HPS5: variants seen among roughly 807,000 people sequenced by gnomAD.
HPS5 encodes the protein BLOC-2 complex member HPS5.
A neutral mutation model predicts 128.0 loss-of-function variants in HPS5; 83 were observed. That is an observed-to-expected ratio of 0.65 (90% CI 0.54 to 0.78). The LOEUF is 0.78. Among genes scored for constraint, HPS5 ranks in the 30% least tolerant of loss-of-function variants. HPS5 has a pLI of 0.00. For synonymous variants in HPS5, 475 were observed against 470.2 expected (o/e 1.01, Z -0.13); for missense variants, 1,281 against 1,326.2 (o/e 0.97, Z 0.53).
At chr11:18,317,692 G>A (rs1043193499) in intron 2 of HPS5, 59 bp downstream of exon 2, 3 of 1,533,220 alleles carry the variant, frequency 2.0e-6, no homozygotes, top group African/African-American at 2.7e-5. Flanking sequence ...CTGGAGGGTA[G>A]GGGCACAGTA....
chr11:18,320,869 C>T (rs1406235683), intron 1 of HPS5, among the ~76,000 whole-genome samples: 1 of 152,222 alleles, frequency 6.6e-6, no homozygotes, highest in East Asian at 1.9e-4. Context: ...GGCCATGTTA[C>T]ACATTGATTC....
chr11:18,295,317 A>G, intron 13 of HPS5, 148 bp from the exon 14 acceptor site: 1 of 674,864 alleles, frequency 1.5e-6, no homozygotes, highest in Non-Finnish European at 2.6e-6. Context: ...CTCTGTTCAA[A>G]TAATAGTATT....
At position 18,295,998 on chromosome 11, in the gene HPS5, C is replaced by T. The variant is rs1861020570; in HGVS notation, c.1634+1G>A. ...TTAAATGACAAGACTAATTGGTTTA[C>T]CTTTCTTTGACAGCCTGAAGAGACA... is the stretch of plus-strand genomic sequence containing the variant. On this transcript the variant is annotated splice_donor_variant, in intron 13 of 22. Transcript: ENST00000349215. LOFTEE classifies it high-confidence loss of function. 6.2e-7 allele frequency: 1 copy of T among 1,613,230 alleles called. No homozygotes were observed. Among genetic ancestry groups the T allele is most frequent in the Admixed American group, 1.7e-5 (1 of 60,026 alleles).
In HPS5 at chr11:18,288,865, C is replaced by T. The variant is rs116564645; in HGVS notation, c.2441-852G>A. Among the ~76,000 whole-genome samples, 392 of 150,758 alleles carry T rather than the reference C, an allele frequency of 2.6e-3. 2 individuals are homozygous for T. Among genetic ancestry groups the T allele is most frequent in the African/African-American group, 9.3e-3 (380 of 40,940 alleles). ...CTTGCTACGTTGCCTAGCTGCAATA[C>T]CTGGGTGTGTGCATGTGTGTGTGTG... On this transcript the variant is annotated intron_variant, in intron 16 of 22. Transcript: ENST00000349215.
chr11:18,319,255 C>CCACACACACACA (rs10531816), intron 1 of HPS5, among the ~76,000 whole-genome samples: 249 of 139,206 alleles, frequency 1.8e-3, no homozygotes, highest in African/African-American at 5.9e-3. Context: ...AAGACAAATA[C>CCACACACACACA]CACACACACA....
chr11:18,309,801 G>A (rs1420635417), intron 5 of HPS5, among the ~76,000 whole-genome samples: 1 of 151,662 alleles, frequency 6.6e-6, no homozygotes, highest in Non-Finnish European at 1.5e-5. Context: ...AGGAGTCCGA[G>A]ACCAGCCTGG....
Position 18,291,862 on chromosome 11 carries a change from G to A in HPS5, c.2020C>T (p.Leu674=), listed in dbSNP as rs1369173989. ...CCCTTTTTTGATTCATTAACTAATA[G>A]CACATCCTGGTTCAATTTCATGGAT... The part of the protein sequence containing the change: ...NSSMKLNQDV[L]LVNESKKGIL... Residue 674 remains leucine, a synonymous_variant, in exon 16 of 23, where the codon CTA becomes TTA. Transcript: ENST00000349215. 6.2e-7 allele frequency: 1 copy of A among 1,608,042 alleles called. No homozygotes were observed. The highest frequency in any genetic ancestry group is 8.5e-7 in the Non-Finnish European group (1 of 1,176,920).
chr11:18,311,786 C>T, intron 3 of HPS5, 128 bp downstream of exon 3: 2 of 793,408 alleles, frequency 2.5e-6, no homozygotes, highest in Non-Finnish European at 4.4e-6. Context: ...GCTGGGATTA[C>T]AGGCGTGAGA....
Position 18,278,817 on chromosome 11 carries a change from G to C in HPS5, c.*1065C>G, listed in dbSNP as rs1449295952. ...ATATAACATGCTATGTAAATGTACA[G>C]GAGCCTGACAAATGACAATCTACTT... On this transcript the variant is annotated 3_prime_UTR_variant, in exon 23 of 23. Transcript: ENST00000349215. 6.6e-6 allele frequency: 1 copy of C among 152,528 alleles called. No individual in the cohort carries two copies. The highest frequency in any genetic ancestry group is 2.4e-5 in the African/African-American group (1 of 41,440). The allele number at this position is 152,528 out of a possible 1,614,324, so 9.4% of individuals were successfully genotyped here. A position where few individuals can be genotyped will look rare whatever the true frequency, so the allele number is the denominator to read the frequency against.
intron 16 of HPS5, among the ~76,000 whole-genome samples, chr11:18,288,312 C>T (rs191934586): frequency 1.2e-4 from 19 of 152,154 alleles, no homozygotes; most frequent in African/African-American, 4.3e-4. Context: ...AGTATCTAGG[C>T]CTATATATAG....
chr11:18,291,461 A>G lies in HPS5; in HGVS notation c.2421T>C (p.Thr807=). 1 of 1,605,226 alleles carries G rather than the reference A, an allele frequency of 6.2e-7. No homozygotes were observed. Among genetic ancestry groups the G allele is most frequent in the South Asian group, 1.1e-5 (1 of 90,832 alleles). Residue 807 remains threonine (T), a synonymous_variant, in exon 16 of 23, where the codon ACT becomes ACC. Transcript: ENST00000349215. ...SYSNSPSVWD[T]FIEGLKEMAS... The stretch of plus-strand genomic sequence containing the variant: ...TATTACCTTTCAATCCTTCAATAAA[A>G]GTATCCCAAACAGAAGGGCTATTAC...
Position 18,304,420 on chromosome 11 carries a change from T to A in HPS5, c.896+1002A>T, listed in dbSNP as rs928167108. 6.0e-4 allele frequency among the ~76,000 whole-genome samples: 92 copies of A among 152,160 alleles called. 1 individual carries two copies. Among genetic ancestry groups the A allele is most frequent in the African/African-American group, 1.9e-3 (80 of 41,438 alleles). On this transcript the variant is annotated intron_variant, in intron 8 of 22. Transcript: ENST00000349215. ...TTAGTAGAGACGGGGTTTCTCCATG[T>A]TGATAGGCTAGTCTTGAACTCCCGA...
Position 18,311,981 on chromosome 11 carries a change from C to G in HPS5, c.152G>C (p.Ser51Thr). The G allele has an allele frequency of 6.2e-7, 1 of 1,614,092 alleles. No homozygotes were observed. The highest frequency in any genetic ancestry group is 8.5e-7 in the Non-Finnish European group (1 of 1,179,968). ...AATGAGATGGAGTCCTCCTCCTGAA[C>G]TGCCCAAAGCCAACCATTTCCGAGA... is the stretch of plus-strand genomic sequence containing the variant. Reference protein sequence around the residue: ...AVSRKWLALGSSGGGLHLIQK... With the variant: ...AVSRKWLALGTSGGGLHLIQK... Residue 51 changes from serine (S) to threonine (T), a missense_variant, in exon 3 of 23, where the codon AGT (serine) becomes ACT (threonine). Ser to Thr is a moderately conservative substitution (Grantham distance 58). Coordinates refer to ENST00000349215, the MANE Select transcript of HPS5 (RefSeq NM_181507.2).
At chr11:18,320,487 A>G (rs1418084259) in intron 1 of HPS5, among the ~76,000 whole-genome samples, 1 of 152,230 alleles carries the variant, frequency 6.6e-6, no homozygotes, top group African/African-American at 2.4e-5. Context: ...GTTCTTTTTA[A>G]TACTATGCTG....
rs2403254 is a variant in HPS5, at chr11:18,303,599, C to T, written c.896+1823G>A. Among the ~76,000 whole-genome samples, 64,276 of 152,018 alleles carry T rather than the reference C, an allele frequency of 0.42. 15,783 individuals are homozygous for T. Among genetic ancestry groups the T allele is most frequent in the East Asian group, 0.59 (3,041 of 5,160 alleles). ...TGGCCCGACTACTAGAAAACATATT[C>T]TTGGGTACTTTGGGAAGCCGATGCA... On this transcript the variant is annotated intron_variant, in intron 8 of 22. Transcript: ENST00000349215.
chr11:18,287,816 G>A, intron 17 of HPS5, 77 bp downstream of exon 17: 1 of 1,599,846 alleles, frequency 6.3e-7, no homozygotes, highest in East Asian at 2.2e-5. Flanking sequence ...ATGCAAATGA[G>A]TAACATGTTA....
At chr11:18,286,366 G>A (rs1006172255) in intron 19 of HPS5, among the ~76,000 whole-genome samples, 9 of 152,048 alleles carry the variant, frequency 5.9e-5, no homozygotes, top group East Asian at 1.9e-4. Flanking sequence ...GCCATAAGGC[G>A]AAATCTCATC....
chr11:18,314,701 G>T (rs1863413622), intron 2 of HPS5, among the ~76,000 whole-genome samples: 1 of 151,842 alleles, frequency 6.6e-6, no homozygotes. Flanking sequence ...TTGTTTTCTG[G>T]GTTTTTTTAT....
At chr11:18,302,582 A>G (rs535065824) in intron 8 of HPS5, among the ~76,000 whole-genome samples, 1 of 152,186 alleles carries the variant, frequency 6.6e-6, no homozygotes, top group East Asian at 1.9e-4. Context: ...CAGGGACTAT[A>G]TTTCTTTTTC....
Sources: gnomAD v4.1 joint callset for allele counts (sites outside exome capture counted in the v4.1 genomes callset) on GRCh38, gnomAD v4.1.1 for gene constraint, MANE v1.5 for transcripts, NCBI Gene and HGNC (gene_info 2026-07-23, HGNC 2026-07-21) for gene names.